The following SLC14A2 variants were observed in gnomAD, a reference collection of about 807,000 sequenced individuals.
SLC14A2 encodes the protein urea transporter 2.
A neutral mutation model predicts 104.6 loss-of-function variants in SLC14A2; 91 were observed. The observed-to-expected ratio is 0.87, with a 90% CI of 0.73 to 1.04. The LOEUF (loss-of-function observed/expected upper bound fraction) is 1.04. Among genes scored for constraint, SLC14A2 ranks in the 50% least tolerant of loss-of-function variants. SLC14A2 has a pLI of 0.00. For synonymous variants in SLC14A2, 476 were observed against 466.4 expected (o/e 1.02, Z -0.27); for missense variants, 1,189 against 1,156.0 (o/e 1.03, Z -0.41).
At chr18:45,331,168 C>T (rs187090064) in intron 1 of SLC14A2, among the ~76,000 whole-genome samples, 138 of 152,254 alleles carry the variant, frequency 9.1e-4, no homozygotes, top group Middle Eastern at 6.8e-3. Context: ...TTCAGGCATC[C>T]GTCTTTAGAA....
At chr18:45,458,483 T>C (rs991452420) in intron 1 of SLC14A2, among the ~76,000 whole-genome samples, 1 of 152,132 alleles carries the variant, frequency 6.6e-6, no homozygotes, top group Non-Finnish European at 1.5e-5. Context: ...CTGTGTGGGC[T>C]CCACACTCCC....
intron 1 of SLC14A2, among the ~76,000 whole-genome samples, chr18:45,225,831 A>G (rs1339981323): frequency 6.6e-6 from 1 of 152,158 alleles, no homozygotes; most frequent in Non-Finnish European, 1.5e-5. Context: ...ATTTTTGCAC[A>G]CTGACTTTGT....
At position 45,532,065 on chromosome 18, in the gene SLC14A2, T is replaced by C. The variant is rs549591920; in HGVS notation, c.-35+48743T>C. 5.3e-5 allele frequency among the ~76,000 whole-genome samples: 8 copies of C among 152,348 alleles called. No homozygotes were observed. The South Asian group carries it at 1.7e-3, about 32-fold the overall frequency. On this transcript the variant is annotated intron_variant, in intron 2 of 20. Transcript: ENST00000586448. ...GTTCTGTTCCATTGGTCTATATCTC[T>C]GTTTTGGTAGGAGTACCATGCTGTT...
rs551698619 is a variant in SLC14A2, at chr18:45,218,408, C to T, written c.-125+5217C>T. 2.2e-4 allele frequency among the ~76,000 whole-genome samples: 34 copies of T among 152,306 alleles called. 2 individuals carry two copies. The South Asian group carries it at 4.6e-3, about 20-fold the overall frequency. On this transcript the variant is annotated intron_variant, in intron 1 of 20. Transcript: ENST00000586448. Reference sequence around the variant, plus strand: ...TAGGCCACATTTTGTTTCTCTCTCACCTCAAGTTGATGAAGAAGATAAAAT... The same window carrying T: ...TAGGCCACATTTTGTTTCTCTCTCATCTCAAGTTGATGAAGAAGATAAAAT...
intron 3 of SLC14A2, among the ~76,000 whole-genome samples, chr18:45,626,065 C>A (rs2045253758): frequency 6.6e-6 from 1 of 152,174 alleles, no homozygotes. Flanking sequence ...ATATGATATA[C>A]CCTACTGGCC....
intron 2 of SLC14A2, among the ~76,000 whole-genome samples, chr18:45,517,228 G>T (rs1454102543): frequency 6.6e-6 from 1 of 152,220 alleles, no homozygotes; most frequent in African/African-American, 2.4e-5. Context: ...AGGGAAGGCT[G>T]CCTGAGTCAG....
chr18:45,429,944 T>A (rs1353058593), intron 1 of SLC14A2, among the ~76,000 whole-genome samples: 2 of 152,316 alleles, frequency 1.3e-5, no homozygotes, highest in South Asian at 2.1e-4. Flanking sequence ...GGCCCAGTGA[T>A]GTTTAAGGCT....
At chr18:45,481,226 C>A (rs1356953271) in intron 1 of SLC14A2, among the ~76,000 whole-genome samples, 1 of 152,000 alleles carries the variant, frequency 6.6e-6, no homozygotes, top group Admixed American at 6.6e-5. Flanking sequence ...TCTCCTCCCT[C>A]TTTGTGCCTG....
intron 1 of SLC14A2, among the ~76,000 whole-genome samples, chr18:45,342,365 G>C (rs1043805211): frequency 6.6e-6 from 1 of 152,190 alleles, no homozygotes; most frequent in African/African-American, 2.4e-5. Context: ...GTGTCTGGAA[G>C]GCAGGAACAG....
chr18:45,189,838 G>A, the SLC14A2 span, among the ~76,000 whole-genome samples: 1 of 152,144 alleles, frequency 6.6e-6, no homozygotes, highest in African/African-American at 2.4e-5. Flanking sequence ...AAGAAATAAA[G>A]AGCCAGGAGT....
intron 10 of SLC14A2, among the ~76,000 whole-genome samples, chr18:45,656,737 T>C (rs1228816732): frequency 1.3e-5 from 2 of 152,214 alleles, no homozygotes. Context: ...TGAGGTTCAA[T>C]AAGGCATCAA....
chr18:45,358,753 A>AT (rs1377212530), intron 1 of SLC14A2, among the ~76,000 whole-genome samples: 9 of 151,616 alleles, frequency 5.9e-5, no homozygotes, highest in East Asian at 1.9e-4. Flanking sequence ...ACTTTTTCGT[A>AT]TTTTTTTTGC....
intron 1 of SLC14A2, among the ~76,000 whole-genome samples, chr18:45,272,939 G>T (rs2144123694): frequency 6.6e-6 from 1 of 152,168 alleles, no homozygotes. Context: ...GCCAGCAACT[G>T]AATCCCTTAT....
intron 2 of SLC14A2, among the ~76,000 whole-genome samples, chr18:45,497,103 A>G (rs2071425164): frequency 6.6e-6 from 1 of 152,102 alleles, no homozygotes; most frequent in Non-Finnish European, 1.5e-5. Context: ...CATTCTCTCT[A>G]ATAAACTCCC....
At chr18:45,678,829 C>A (rs1024801164) in intron 18 of SLC14A2, 146 bp from the exon 19 acceptor site, 86 of 689,426 alleles carry the variant, frequency 1.2e-4, no homozygotes, top group Non-Finnish European at 1.9e-4. Context: ...AGCTGCCAAG[C>A]AATGGAAACA....
chr18:45,384,704 C>A (rs529669469), intron 1 of SLC14A2, among the ~76,000 whole-genome samples: 72 of 152,240 alleles, frequency 4.7e-4, no homozygotes, highest in Non-Finnish European at 8.8e-4. Flanking sequence ...CGCATTGCCC[C>A]CACAGTGGTG....
rs529002786 is a variant in SLC14A2, at chr18:45,661,828, A to C, written c.1352-1957A>C. ...ATCATCCTGCATGAACCCTGCCTGC[A>C]CAGACGTCCCAGGACAAGTTGACAC... On this transcript the variant is annotated intron_variant, in intron 10 of 19. Transcript: ENST00000255226. 4.6e-5 allele frequency among the ~76,000 whole-genome samples: 7 copies of C among 152,324 alleles called. No homozygotes were observed. The South Asian group carries it at 1.4e-3, about 32-fold the overall frequency.
the SLC14A2 span, among the ~76,000 whole-genome samples, chr18:45,199,238 T>C: frequency 6.6e-6 from 1 of 152,176 alleles, no homozygotes; most frequent in African/African-American, 2.4e-5. Flanking sequence ...CTGCTGTGTG[T>C]ACACATTAGG....
chr18:45,460,777 A>G (rs1054443382), intron 1 of SLC14A2, among the ~76,000 whole-genome samples: 1 of 152,198 alleles, frequency 6.6e-6, no homozygotes, highest in African/African-American at 2.4e-5. Context: ...TTTGTGGCAG[A>G]AAATATTCAC....
Sources: allele counts gnomAD v4.1 joint callset (sites outside exome capture counted in the v4.1 genomes callset), GRCh38; gene constraint gnomAD v4.1.1; transcripts MANE v1.5; gene names NCBI Gene and HGNC (gene_info 2026-07-23, HGNC 2026-07-21).